Variants in ALPK1 observed in about 807,000 individuals in gnomAD.
ALPK1 encodes alpha kinase 1.
In ALPK1, 110 loss-of-function variants were observed where a neutral mutation model predicts 120.6. The ratio of observed to expected loss-of-function variants is 0.91; its 90% confidence interval spans 0.78 to 1.07. The LOEUF is 1.07. Ranked by LOEUF, ALPK1 falls within the 50% of genes least tolerant of loss-of-function variation. The pLI is 0.00. For synonymous variants in ALPK1, 582 were observed against 560.3 expected, an observed-to-expected ratio of 1.04 and a Z score of -0.55; for missense variants, 1,498 against 1,483.9, an observed-to-expected ratio of 1.01 and a Z score of -0.16.
Position 112,313,831 on chromosome 4 carries a change from T to C in ALPK1, c.-152-1970T>C, listed in dbSNP as rs543828545. 2.0e-5 allele frequency among the ~76,000 whole-genome samples: 3 copies of C among 152,274 alleles called. No individual in the cohort carries two copies. The East Asian group carries it at 5.8e-4, about 29-fold the overall frequency. On this transcript the variant is annotated intron_variant, in intron 1 of 15. Transcript: ENST00000650871. ...TGGCATAATGGGACAAAAGTCTAAT[T>C]AGAATGCGTTTAAAAGAGAATGGGA... is the stretch of plus-strand genomic sequence containing the variant.
chr4:112,429,367 A>G, intron 10 of ALPK1, 114 bp downstream of exon 10: 1 of 818,510 alleles, frequency 1.2e-6, no homozygotes, highest in Non-Finnish European at 1.9e-6. Context: ...GTGTCTCATC[A>G]GTGGCAATTG....
intron 2 of ALPK1, chr4:112,359,493 G>A: frequency 3.8e-6 from 1 of 263,918 alleles, no homozygotes. Context: ...CACAGACCTG[G>A]CCAGCCAGCC....
chr4:112,411,864 C>A lies in ALPK1; in HGVS notation c.314C>A (p.Ala105Glu), dbSNP rs768970546. 13 of 1,612,722 alleles carry A rather than the reference C, an allele frequency of 8.1e-6. 1 individual carries two copies. In the South Asian group the frequency reaches 1.3e-4, roughly 16 times the overall value. The change falls in exon 5 of 16, where the codon GCG (alanine) becomes GAG (glutamate). Residue 105 changes from alanine (A) to glutamate (E), a missense_variant. Coordinates refer to ENST00000650871, the MANE Select transcript of ALPK1 (RefSeq NM_025144.4). ...GCCTCCATCCTCGCTCGGGACTGTG[C>A]GGCTGCGGCGGCTATTGTGTTCTTG... Reference protein sequence around the residue: ...LRASILARDCAAAAAIVFLVD... With the variant: ...LRASILARDCEAAAAIVFLVD...
At chr4:112,311,186 A>C (rs1229310145) in intron 1 of ALPK1, among the ~76,000 whole-genome samples, 1 of 152,188 alleles carries the variant, frequency 6.6e-6, no homozygotes, top group East Asian at 1.9e-4. Context: ...GAAATTCATG[A>C]GCAGGCAGTG....
intron 5 of ALPK1, among the ~76,000 whole-genome samples, chr4:112,421,122 G>A (rs552139122): frequency 9.2e-5 from 14 of 152,216 alleles, no homozygotes; most frequent in East Asian, 5.8e-4. Flanking sequence ...ATGAGCCACC[G>A]TGCCCGGCCC....
rs775218527 is a variant in ALPK1 at position 112,377,886 on chromosome 4, C to T, written c.109C>T (p.Gln37Ter). The T allele has an allele frequency of 1.2e-6, 2 of 1,610,394 alleles. No individual in the cohort carries two copies. The highest frequency in any genetic ancestry group is 1.7e-6 in the Non-Finnish European group (2 of 1,177,726). Residue 37 changes from glutamine to a stop codon, truncating the protein, a stop_gained, in exon 3 of 16, where the codon CAG becomes TAG. Transcript: ENST00000650871. LOFTEE classifies it high-confidence loss of function. ...GTCGGAAGAGGACAAGAGCGAGGAC[C>T]AGCGCTGCAGAGGTGAGGTTCTGAT... is the stretch of plus-strand genomic sequence containing the variant. ...DVSEEDKSED[Q>*]RCRALLPSEL...
chr4:112,327,709 C>A (rs1729178251), intron 2 of ALPK1, among the ~76,000 whole-genome samples: 1 of 152,168 alleles, frequency 6.6e-6, no homozygotes. Flanking sequence ...CCTCCCAAAG[C>A]ACTGGGATTA....
At chr4:112,383,866 AGCCT>A (rs1732035757) in intron 4 of ALPK1, 1 of 152,232 alleles carries the variant, frequency 6.6e-6, no homozygotes. Flanking sequence ...AGCTTAGCTT[AGCCT>A]ACCTTAAGCA....
chr4:112,361,207 A>G (rs1011464145), intron 2 of ALPK1, among the ~76,000 whole-genome samples: 4 of 152,248 alleles, frequency 2.6e-5, no homozygotes, highest in Admixed American at 6.5e-5. Flanking sequence ...GACAATCCAC[A>G]GACCCTTTGA....
chr4:112,392,674 A>G (rs1042999763), intron 4 of ALPK1, among the ~76,000 whole-genome samples: 3 of 152,102 alleles, frequency 2.0e-5, no homozygotes, highest in Non-Finnish European at 4.4e-5. Flanking sequence ...CTACAGGTGC[A>G]TGTCACCATG....
rs1390840155 is a variant in ALPK1 at position 112,425,759 on chromosome 4, C to A, written c.622+8C>A. On this transcript the variant is annotated splice_region_variant and intron_variant, in intron 7 of 15. Coordinates refer to ENST00000650871, the MANE Select transcript of ALPK1 (RefSeq NM_025144.4). ...AGATTCTGCAAAAGCTGGGTACAAT[C>A]ATGTAAAACTTGCATTTCTCAAGGC... The A allele has an allele frequency of 1.2e-6, 2 of 1,606,352 alleles. No individual in the cohort carries two copies. The highest frequency in any genetic ancestry group is 1.7e-6 in the Non-Finnish European group (2 of 1,174,706).
chr4:112,330,602 T>C (rs1254097677), intron 2 of ALPK1, among the ~76,000 whole-genome samples: 3 of 152,248 alleles, frequency 2.0e-5, no homozygotes, highest in Admixed American at 6.5e-5. Flanking sequence ...CTTTGATTCC[T>C]GGACCCATGT....
chr4:112,392,443 G>A (rs768336233), intron 4 of ALPK1, among the ~76,000 whole-genome samples: 26 of 152,050 alleles, frequency 1.7e-4, no homozygotes, highest in Non-Finnish European at 2.5e-4. Flanking sequence ...AACTATTCTG[G>A]TTCCAAGCAT....
chr4:112,347,404 A>C (rs1056662036), intron 2 of ALPK1, among the ~76,000 whole-genome samples: 2 of 152,138 alleles, frequency 1.3e-5, no homozygotes, highest in African/African-American at 4.8e-5. Flanking sequence ...TACCTTCCTC[A>C]CTGTAATCTT....
chr4:112,354,395 C>T (rs550283231), intron 2 of ALPK1, among the ~76,000 whole-genome samples: 44 of 152,134 alleles, frequency 2.9e-4, no homozygotes, highest in African/African-American at 1.0e-3. Flanking sequence ...ATATACTGAG[C>T]TCTATAATAA....
At chr4:112,304,613 T>A (rs1305043720) in intron 1 of ALPK1, among the ~76,000 whole-genome samples, 2 of 152,146 alleles carry the variant, frequency 1.3e-5, no homozygotes, top group Admixed American at 6.5e-5. Context: ...TTTTTTCTTG[T>A]AAGTTTGTCC....
intron 5 of ALPK1, among the ~76,000 whole-genome samples, chr4:112,415,757 A>G (rs1184455648): frequency 6.6e-6 from 1 of 152,222 alleles, no homozygotes; most frequent in African/African-American, 2.4e-5. Flanking sequence ...ACAGGATACA[A>G]GAATTCAACT....
chr4:112,399,326 G>C (rs1732803964), intron 4 of ALPK1, among the ~76,000 whole-genome samples: 2 of 152,162 alleles, frequency 1.3e-5, no homozygotes, highest in South Asian at 4.1e-4. Flanking sequence ...AAGAGGGATT[G>C]ATTTGCTCAG....
chr4:112,436,049 T>C (rs1734776272), intron 12 of ALPK1, among the ~76,000 whole-genome samples: 1 of 152,258 alleles, frequency 6.6e-6, no homozygotes, highest in Non-Finnish European at 1.5e-5. Flanking sequence ...TTATCATTTG[T>C]ATATTTTAAA....
Sources: gnomAD v4.1 joint callset for allele counts (sites outside exome capture counted in the v4.1 genomes callset) on GRCh38, gnomAD v4.1.1 for gene constraint, MANE v1.5 for transcripts, NCBI Gene and HGNC (gene_info 2026-07-23, HGNC 2026-07-21) for gene names.